EPHA3: variants seen among roughly 807,000 people sequenced by gnomAD.
EPHA3 encodes the protein EPH receptor A3.
In EPHA3, 42 loss-of-function variants were observed where a neutral mutation model predicts 107.1. The observed-to-expected ratio is 0.39, with a 90% confidence interval of 0.31 to 0.51. The LOEUF is 0.51. Ranked by LOEUF, EPHA3 falls within the 20% of genes least tolerant of loss-of-function variation. The pLI is 0.78. For missense variants in EPHA3, 1,183 were observed against 1,211.2 expected, an observed-to-expected ratio of 0.98 and a Z score of 0.35; for synonymous variants, 461 against 424.8, an observed-to-expected ratio of 1.09 and a Z score of -1.05.
At chr3:89,135,159 T>A (rs1199227122) in intron 2 of EPHA3, among the ~76,000 whole-genome samples, 5 of 152,156 alleles carry the variant, frequency 3.3e-5, no homozygotes, top group Non-Finnish European at 7.4e-5. Context: ...TCAGGTCAAA[T>A]GTTACTTTTT....
Position 89,351,607 on chromosome 3 carries a change from G to A in EPHA3, c.1306+9517G>A, listed in dbSNP as rs536746473. ...TCGCTCACGCTGGGAGCTGTAGACCGGAGCTGTTCCTATTCGGCCATCTTG... is the reference window on the plus strand; with the variant it reads ...TCGCTCACGCTGGGAGCTGTAGACCAGAGCTGTTCCTATTCGGCCATCTTG... On this transcript the variant is annotated intron_variant, in intron 5 of 16. Transcript: ENST00000336596. Among the ~76,000 whole-genome samples, 60 of 151,348 alleles carry A rather than the reference G, an allele frequency of 4.0e-4. 1 individual carries two copies. The highest frequency in any genetic ancestry group is 9.9e-4 in the African/African-American group (41 of 41,480).
intron 2 of EPHA3, among the ~76,000 whole-genome samples, chr3:89,138,252 G>A (rs1436978054): frequency 6.6e-6 from 1 of 151,614 alleles, no homozygotes; most frequent in African/African-American, 2.4e-5. Flanking sequence ...ATCTATTCCT[G>A]GAAATTTGTC....
At chr3:89,400,478 C>G (rs1708938698) in intron 7 of EPHA3, 1 of 152,384 alleles carries the variant, frequency 6.6e-6, no homozygotes, top group South Asian at 2.1e-4. Context: ...CCTCGTGATC[C>G]GCCCGCGTTG....
At chr3:89,177,988 T>A (rs897675996) in intron 2 of EPHA3, among the ~76,000 whole-genome samples, 2 of 152,152 alleles carry the variant, frequency 1.3e-5, no homozygotes, top group Non-Finnish European at 2.9e-5. Context: ...GAACATAATA[T>A]CCTCCAAAGG....
chr3:89,210,459 T>G lies in EPHA3; in HGVS notation c.753T>G (p.Leu251=). 1 of 1,596,950 alleles carries G rather than the reference T, an allele frequency of 6.3e-7. No homozygotes were observed. Among genetic ancestry groups the G allele is most frequent in the Non-Finnish European group, 8.5e-7 (1 of 1,173,956 alleles). Reference sequence around the variant, plus strand: ...ACTGCAGTACAGAAGGCGAATGGCTTGTACCCATTGGCAAGTGTTCCTGCA... The same window carrying G: ...ACTGCAGTACAGAAGGCGAATGGCTGGTACCCATTGGCAAGTGTTCCTGCA... ...RMYCSTEGEW[L]VPIGKCSCNA... The change falls in exon 3 of 17, where the codon CTT becomes CTG. Residue 251 remains leucine (L), a synonymous_variant. Coordinates refer to ENST00000336596, the MANE Select transcript of EPHA3 (RefSeq NM_005233.6).
chr3:89,110,532 A>G (rs1707079007), intron 1 of EPHA3, among the ~76,000 whole-genome samples: 1 of 152,010 alleles, frequency 6.6e-6, no homozygotes, highest in African/African-American at 2.4e-5. Flanking sequence ...GGACTCATCA[A>G]CGATAACAGA....
At chr3:89,157,672 G>A (rs1280780067) in intron 2 of EPHA3, among the ~76,000 whole-genome samples, 1 of 151,876 alleles carries the variant, frequency 6.6e-6, no homozygotes, top group Non-Finnish European at 1.5e-5. Context: ...AACTCTCTGC[G>A]GGCTGATGAT....
Position 89,259,778 on chromosome 3 carries a change from G to T in EPHA3, c.814+49258G>T, listed in dbSNP as rs139877888. On this transcript the variant is annotated intron_variant, in intron 3 of 16. Transcript: ENST00000336596. ...TGTCTTACATTAGATCTTTAGATTTGTTCATATTACCTAATCTGTTACTTT... is the reference window on the plus strand; with the variant it reads ...TGTCTTACATTAGATCTTTAGATTTTTTCATATTACCTAATCTGTTACTTT... Among the ~76,000 whole-genome samples the T allele has an allele frequency of 7.2e-3, 1,090 of 152,146 alleles. 4 individuals are homozygous for T. Among genetic ancestry groups the T allele is most frequent in the Non-Finnish European group, 0.011 (770 of 67,968 alleles).
At chr3:89,234,127 G>T (rs1704697877) in intron 3 of EPHA3, among the ~76,000 whole-genome samples, 1 of 152,096 alleles carries the variant, frequency 6.6e-6, no homozygotes, top group Non-Finnish European at 1.5e-5. Flanking sequence ...CCATGAAAGA[G>T]AAAAATGCCA....
intron 3 of EPHA3, among the ~76,000 whole-genome samples, chr3:89,281,428 A>G (rs1669254155): frequency 6.6e-6 from 1 of 152,126 alleles, no homozygotes; most frequent in Non-Finnish European, 1.5e-5. Context: ...CAAGATATGA[A>G]TGCAGCTCCC....
At chr3:89,310,786 T>A (rs1706747126) in intron 3 of EPHA3, among the ~76,000 whole-genome samples, 1 of 152,002 alleles carries the variant, frequency 6.6e-6, no homozygotes, top group Non-Finnish European at 1.5e-5. Flanking sequence ...TGTTTAACTA[T>A]AAGAGCTAGA....
intron 2 of EPHA3, among the ~76,000 whole-genome samples, chr3:89,143,411 T>G (rs1225195624): frequency 1.3e-5 from 2 of 151,444 alleles, no homozygotes; most frequent in African/African-American, 2.4e-5. Flanking sequence ...CCCTAGATAT[T>G]TCAGAGTCAA....
chr3:89,173,240 G>A (rs1038486019), intron 2 of EPHA3, among the ~76,000 whole-genome samples: 2 of 151,868 alleles, frequency 1.3e-5, no homozygotes, highest in Non-Finnish European at 2.9e-5. Flanking sequence ...TCCTTTGTTT[G>A]TTTTGCTTAT....
At chr3:89,428,082 T>G (rs2107533798) in intron 11 of EPHA3, among the ~76,000 whole-genome samples, 1 of 152,168 alleles carries the variant, frequency 6.6e-6, no homozygotes, top group South Asian at 2.1e-4. Flanking sequence ...ATGCAATAAC[T>G]GACTAAATCA....
intron 13 of EPHA3, 56 bp from the exon 14 acceptor site, chr3:89,449,169 T>C (rs770282215): frequency 2.2e-5 from 31 of 1,440,390 alleles, no homozygotes; most frequent in Admixed American, 3.9e-5. Flanking sequence ...TTATGTTATG[T>C]ATATTATATG....
intron 7 of EPHA3, among the ~76,000 whole-genome samples, chr3:89,402,692 A>C (rs1182669566): frequency 6.6e-6 from 1 of 151,760 alleles, no homozygotes; most frequent in Non-Finnish European, 1.5e-5. Flanking sequence ...TATTTTATTT[A>C]TGTATTTATT....
At chr3:89,246,496 T>C (rs1266648961) in intron 3 of EPHA3, among the ~76,000 whole-genome samples, 1 of 152,024 alleles carries the variant, frequency 6.6e-6, no homozygotes, top group Non-Finnish European at 1.5e-5. Context: ...CAGGATCCTC[T>C]ACTGAATAGG....
Position 89,110,843 on chromosome 3 carries a change from C to T in EPHA3, c.88+3007C>T, listed in dbSNP as rs189435958. On this transcript the variant is annotated intron_variant, in intron 1 of 16. Coordinates refer to ENST00000336596, the MANE Select transcript of EPHA3 (RefSeq NM_005233.6). Reference sequence around the variant, plus strand: ...ATAAAATTATCAACTGTGGTTACTTCAACCCTTTCAGAATTGGTAAAAATA... The same window carrying T: ...ATAAAATTATCAACTGTGGTTACTTTAACCCTTTCAGAATTGGTAAAAATA... Among the ~76,000 whole-genome samples, 489 of 152,154 alleles carry T rather than the reference C, an allele frequency of 3.2e-3. 4 individuals are homozygous for T. The highest frequency in any genetic ancestry group is 0.031 in the Middle Eastern group (9 of 294).
At chr3:89,426,548 G>C (rs1049493479) in intron 11 of EPHA3, among the ~76,000 whole-genome samples, 2 of 151,774 alleles carry the variant, frequency 1.3e-5, no homozygotes, top group African/African-American at 4.8e-5. Context: ...TTTCTGAATG[G>C]TCATGGGGCT....
Sources: allele counts gnomAD v4.1 joint callset (sites outside exome capture counted in the v4.1 genomes callset), GRCh38; gene constraint gnomAD v4.1.1; transcripts MANE v1.5; gene names NCBI Gene and HGNC (gene_info 2026-07-23, HGNC 2026-07-21).